Variants in NETO2 observed in about 807,000 individuals in gnomAD.
NETO2 encodes the protein neuropilin and tolloid-like protein 2.
A neutral mutation model predicts 62.5 loss-of-function variants in NETO2; 28 were observed. The ratio of observed to expected loss-of-function variants is 0.45; its 90% confidence interval spans 0.33 to 0.61. NETO2 has a LOEUF of 0.61. Among genes scored for constraint, NETO2 ranks in the 20% least tolerant of loss-of-function variants. The probability of loss-of-function intolerance (pLI) is 0.02; values close to 1 mark genes in which losing one functional copy is unlikely to be tolerated. For missense variants in NETO2, 548 were observed against 643.2 expected, an observed-to-expected ratio of 0.85 and a Z score of 1.60; for synonymous variants, 214 against 219.1, an observed-to-expected ratio of 0.98 and a Z score of 0.21.
At chr16:47,114,482 G>C (rs1480546712) in intron 6 of NETO2, among the ~76,000 whole-genome samples, 1 of 108,176 alleles carries the variant, frequency 9.2e-6, no homozygotes, top group Non-Finnish European at 1.7e-5. Flanking sequence ...ATGGAGTCTC[G>C]CTCTGTTGCC....
rs746535346 is a variant in NETO2, at chr16:47,083,796, T to C, written c.1003A>G (p.Lys335Glu). The C allele has an allele frequency of 6.4e-7, 1 of 1,573,768 alleles. No individual in the cohort carries two copies. The highest frequency in any genetic ancestry group is 8.6e-7 in the Non-Finnish European group (1 of 1,158,810). ...PWDENHCKEK[K>E]KAGVFEQITK... ...ATTTGTTCAAATACTCCTGCTTTTT[T>C]CTTTTCTGCAGAAAGAAAATGAGAA... The change falls in exon 9 of 9, where the codon AAA (lysine) becomes GAA (glutamate). Residue 335 changes from lysine to glutamate, a missense_variant. Physicochemically the swap from Lys to Glu is moderately conservative, Grantham distance 56. Coordinates refer to ENST00000562435, the MANE Select transcript of NETO2 (RefSeq NM_018092.5).
At chr16:47,104,043 T>C (rs1027620884) in intron 7 of NETO2, among the ~76,000 whole-genome samples, 1 of 151,934 alleles carries the variant, frequency 6.6e-6, no homozygotes, top group African/African-American at 2.4e-5. Context: ...GAAAAGGAAA[T>C]AAAAGGTATC....
At chr16:47,108,127 T>C (rs1038343801) in intron 7 of NETO2, among the ~76,000 whole-genome samples, 4 of 152,016 alleles carry the variant, frequency 2.6e-5, no homozygotes, top group Admixed American at 2.6e-4. Context: ...AAAATATCCA[T>C]GAGCCCATAC....
intron 7 of NETO2, among the ~76,000 whole-genome samples, chr16:47,095,795 C>T (rs1288769828): frequency 6.6e-6 from 1 of 152,128 alleles, no homozygotes; most frequent in African/African-American, 2.4e-5. Context: ...GACCTGAACA[C>T]CACTATAGAC....
rs1354608304 is a variant in NETO2 at position 47,079,747 on chromosome 16, A to G, written c.*3474T>C. The G allele has an allele frequency of 6.6e-6, 1 of 152,256 alleles. No homozygotes were observed. Among genetic ancestry groups the G allele is most frequent in the East Asian group, 1.9e-4 (1 of 5,200 alleles). 9.4% of individuals were successfully genotyped at this position (152,256 alleles called of 1,614,324 possible). On this transcript the variant is annotated 3_prime_UTR_variant, in exon 9 of 9. Transcript: ENST00000562435. ...AAAACTCAATGATCCTTCTGGGTCT[A>G]ATCAGTGTGATTCAAGGCATATTAT...
rs756857144 is a variant in NETO2 at position 47,129,290 on chromosome 16, G to A, written c.166C>T (p.His56Tyr). 2.7e-5 allele frequency: 44 copies of A among 1,613,784 alleles called. No homozygotes were observed. The highest frequency in any genetic ancestry group is 5.0e-5 in the Admixed American group (3 of 60,008). Residue 56 changes from histidine to tyrosine, a missense_variant, in exon 3 of 9, where the codon CAT (histidine) becomes TAT (tyrosine). His to Tyr is a moderately conservative substitution (Grantham distance 83). Transcript: ENST00000562435. ...GIWVRTSNGGHFASPNYPDSY... is the reference protein window; with the variant it reads ...GIWVRTSNGGYFASPNYPDSY... ...TCAGGATAATTTGGCGAAGCAAAAT[G>A]ACCTCCATTGCTGGTTCGAACCCAA...
Position 47,143,706 on chromosome 16 carries a change from C to G in NETO2, c.-94G>C. 3 of 1,203,654 alleles carry G rather than the reference C, an allele frequency of 2.5e-6. No homozygotes were observed. Among genetic ancestry groups the G allele is most frequent in the Non-Finnish European group, 3.1e-6 (3 of 967,636 alleles). 74.6% of individuals were successfully genotyped at this position (1,203,654 alleles called of 1,614,324 possible). A position where few individuals can be genotyped will look rare whatever the true frequency, so the allele number is the denominator to read the frequency against. On this transcript the variant is annotated 5_prime_UTR_variant, in exon 1 of 9. Transcript: ENST00000562435. Reference sequence around the variant, plus strand: ...CGGCGCGGCGGCGACGGCCCCACTCCGTCCCCATCGCCGGCCAGCAGCTGC... The same window carrying G: ...CGGCGCGGCGGCGACGGCCCCACTCGGTCCCCATCGCCGGCCAGCAGCTGC...
At chr16:47,125,630 GCCA>G (rs1279621886) in intron 4 of NETO2, among the ~76,000 whole-genome samples, 1 of 152,182 alleles carries the variant, frequency 6.6e-6, no homozygotes, top group African/African-American at 2.4e-5. Context: ...ACAGGTGTAA[GCCA>G]CCACATCTGG....
chr16:47,083,903 C>T, intron 8 of NETO2, 102 bp from the exon 9 acceptor site: 1 of 775,170 alleles, frequency 1.3e-6, no homozygotes, highest in East Asian at 2.6e-5. Context: ...ATACTTGGGC[C>T]AAATATACTA....
chr16:47,143,785 C>T lies in NETO2; in HGVS notation c.-173G>A. The T allele has an allele frequency of 1.1e-6, 1 of 895,228 alleles. No homozygotes were observed. 55.5% of individuals were successfully genotyped at this position (895,228 alleles called of 1,614,324 possible). ...TCCTGCGGCCCGCCATGCCCGAGCC[C>T]CACAGTGGGCTCCCGCGCGGCCCGA... On this transcript the variant is annotated 5_prime_UTR_variant, in exon 1 of 9. It introduces an in-frame stop codon into an upstream open reading frame of the 5' UTR. Coordinates refer to ENST00000562435, the MANE Select transcript of NETO2 (RefSeq NM_018092.5).
chr16:47,080,710 C>T lies in NETO2; in HGVS notation c.*2511G>A, dbSNP rs1370775441. 2 of 152,158 alleles carry T rather than the reference C, an allele frequency of 1.3e-5. No homozygotes were observed. The highest frequency in any genetic ancestry group is 2.4e-5 in the African/African-American group (1 of 41,430). 9.4% of individuals were successfully genotyped at this position (152,158 alleles called of 1,614,324 possible). A position where few individuals can be genotyped will look rare whatever the true frequency, so the allele number is the denominator to read the frequency against. On this transcript the variant is annotated 3_prime_UTR_variant, in exon 9 of 9. Transcript: ENST00000562435. ...ATCATCTGGTTCTTTAGTTCTATCC[C>T]TGAAAATACAGACTGACCCTAAACC...
chr16:47,128,499 C>G lies in NETO2; in HGVS notation c.307G>C (p.Asp103His), dbSNP rs80041129. The part of the protein sequence containing the change: ...YIEPSFECRF[D>H]HLEVRDGPFG... ...GGCCCATCTCGAACTTCCAAGTGAT[C>G]AAACCGACACTCAAATGATGGTTCT... Residue 103 changes from aspartate to histidine, a missense_variant, in exon 4 of 9, where the codon GAT becomes CAT. Asp to His is a moderately conservative substitution (Grantham distance 81). Transcript: ENST00000562435. 1 of 1,613,992 alleles carries G rather than the reference C, an allele frequency of 6.2e-7. No homozygotes were observed.
chr16:47,095,692 G>C (rs1305301384), intron 7 of NETO2, among the ~76,000 whole-genome samples: 2 of 152,156 alleles, frequency 1.3e-5, no homozygotes, highest in African/African-American at 4.8e-5. Flanking sequence ...GATGGGAGAA[G>C]TAGACACTTG....
At chr16:47,098,846 A>G (rs1040992159) in intron 7 of NETO2, among the ~76,000 whole-genome samples, 1 of 152,182 alleles carries the variant, frequency 6.6e-6, no homozygotes, top group Non-Finnish European at 1.5e-5. Context: ...AAACCCTACA[A>G]GCCACAAGAG....
chr16:47,134,519 C>T (rs1214968665), intron 1 of NETO2, among the ~76,000 whole-genome samples: 1 of 152,104 alleles, frequency 6.6e-6, no homozygotes. Context: ...ATAACCCAAC[C>T]ATTTGTGTCA....
At chr16:47,119,446 C>T (rs1426245555) in intron 6 of NETO2, among the ~76,000 whole-genome samples, 7 of 151,966 alleles carry the variant, frequency 4.6e-5, no homozygotes, top group African/African-American at 9.7e-5. Flanking sequence ...CCACTGCACC[C>T]GGCCTATTTA....
intron 7 of NETO2, among the ~76,000 whole-genome samples, chr16:47,086,753 T>C (rs963981817): frequency 6.6e-6 from 1 of 152,140 alleles, no homozygotes; most frequent in Non-Finnish European, 1.5e-5. Context: ...AAGTTAAAGA[T>C]AGAATTACCG....
intron 7 of NETO2, among the ~76,000 whole-genome samples, chr16:47,092,424 T>G (rs180761591): frequency 4.6e-5 from 7 of 152,320 alleles, no homozygotes; most frequent in Non-Finnish European, 2.9e-5. Context: ...AAAATACTGT[T>G]AGTGGGATAC....
chr16:47,128,565 G>C lies in NETO2; in HGVS notation c.241C>G (p.Arg81Gly). The change falls in exon 4 of 9, where the codon CGT becomes GGT. Residue 81 changes from arginine to glycine, a missense_variant. Physicochemically the swap from Arg to Gly is moderately radical, Grantham distance 125 (BLOSUM62 -2). Coordinates refer to ENST00000562435, the MANE Select transcript of NETO2 (RefSeq NM_018092.5). The stretch of plus-strand genomic sequence containing the variant: ...TCAAAGGTCAACTCTATTCTTTGAC[G>C]TGGAGCAGCTAGAAAATAAGAGTAA... ...ECIYILEAAP[R>G]QRIELTFDEH... The C allele has an allele frequency of 1.2e-6, 2 of 1,610,998 alleles. No homozygotes were observed. The highest frequency in any genetic ancestry group is 1.7e-6 in the Non-Finnish European group (2 of 1,179,424).
Sources: allele counts gnomAD v4.1 joint callset (sites outside exome capture counted in the v4.1 genomes callset), GRCh38; gene constraint gnomAD v4.1.1; transcripts MANE v1.5; gene names NCBI Gene and HGNC (gene_info 2026-07-23, HGNC 2026-07-21).